Variants in PZP observed in about 807,000 individuals in gnomAD.
PZP encodes the protein PZP alpha-2-macroglobulin like.
A neutral mutation model predicts 179.8 loss-of-function variants in PZP; 150 were observed. The observed-to-expected ratio is 0.83, with a 90% confidence interval of 0.73 to 0.96. The LOEUF (loss-of-function observed/expected upper bound fraction) is 0.96, where lower values mean the gene tolerates loss of function less well. Among genes scored for constraint, PZP ranks in the 40% least tolerant of loss-of-function variants. The pLI, the probability that PZP is intolerant of heterozygous loss-of-function variation, is 0.00. For missense variants in PZP, 1,689 were observed against 1,764.0 expected, an observed-to-expected ratio of 0.96 and a Z score of 0.76; for synonymous variants, 624 against 652.3, an observed-to-expected ratio of 0.96 and a Z score of 0.66.
chr12:9,166,101 C>A lies in PZP; in HGVS notation c.2209G>T (p.Val737Leu), dbSNP rs1941566601. The change falls in exon 18 of 36, where the codon GTG (valine) becomes TTG (leucine). Residue 737 changes from valine to leucine, a missense_variant. Coordinates refer to ENST00000261336, the MANE Select transcript of PZP (RefSeq NM_002864.3). ...CAAGTCTCAGGAAAATAGCTTCGCA[C>A]CGTTTCAGGGACTGGCCCTGAACTT... ...EQSSGPVPET[V>L]RSYFPETWIW... 6.2e-7 allele frequency: 1 copy of A among 1,612,752 alleles called. No individual in the cohort carries two copies.
intron 35 of PZP, among the ~76,000 whole-genome samples, chr12:9,149,219 C>T (rs1336373300): frequency 6.6e-6 from 1 of 152,232 alleles, no homozygotes; most frequent in East Asian, 1.9e-4. Flanking sequence ...AATAAAGCTT[C>T]ATTTACAAAA....
chr12:9,192,470 C>T lies in PZP; in HGVS notation c.1482+42G>A, dbSNP rs756305586. 8.3e-6 allele frequency: 13 copies of T among 1,561,176 alleles called. 1 individual carries two copies. The highest frequency in any genetic ancestry group is 2.3e-5 in the East Asian group (1 of 44,262). On this transcript the variant is annotated intron_variant, in intron 12 of 35. Transcript: ENST00000261336. ...CCTGAGCCTATTGACCACTTTTGTC[C>T]TACTGATAAGCTGCAATTGTATTCC...
At chr12:9,138,435 T>C in the PZP span, among the ~76,000 whole-genome samples, 1 of 151,840 alleles carries the variant, frequency 6.6e-6, no homozygotes, top group Non-Finnish European at 1.5e-5. Context: ...TTTTTGCATC[T>C]ATATTCATCA....
intron 27 of PZP, 91 bp downstream of exon 27, chr12:9,157,676 G>T: frequency 1.7e-6 from 2 of 1,172,056 alleles, no homozygotes; most frequent in Non-Finnish European, 2.5e-6. Flanking sequence ...TGAACCAAAA[G>T]ATACTTGAGA....
intron 14 of PZP, 27 bp from the exon 15 acceptor site, chr12:9,181,159 C>G (rs1942736903): frequency 6.2e-7 from 1 of 1,613,642 alleles, no homozygotes; most frequent in Admixed American, 1.7e-5. Context: ...AAACGTCAAC[C>G]AGTGTTTTCC....
intron 7 of PZP, among the ~76,000 whole-genome samples, chr12:9,198,029 C>CAT (rs1405811807): frequency 8.8e-6 from 1 of 113,632 alleles, no homozygotes; most frequent in Non-Finnish European, 1.8e-5. Context: ...ACAGTGCAGT[C>CAT]ATATATATAT....
chr12:9,197,218 C>G (rs1943830027), intron 7 of PZP, 95 bp from the exon 8 acceptor site: 1 of 809,548 alleles, frequency 1.2e-6, no homozygotes, highest in Non-Finnish European at 2.0e-6. Context: ...GAGTTGCCTA[C>G]ACATCTTTAT....
intron 15 of PZP, among the ~76,000 whole-genome samples, chr12:9,172,037 T>C (rs897521488): frequency 1.3e-5 from 2 of 151,878 alleles, no homozygotes; most frequent in Admixed American, 1.3e-4. Flanking sequence ...AGACACAAAA[T>C]CATCAGATTC....
downstream of PZP, chr12:9,148,725 A>G: frequency 2.3e-6 from 1 of 435,352 alleles, no homozygotes; most frequent in Non-Finnish European, 4.0e-6. Flanking sequence ...CTGCTTTCCT[A>G]CTAGAATGCT....
In PZP at chr12:9,208,308, C is replaced by T; in HGVS notation, c.34G>A (p.Val12Met). The T allele has an allele frequency of 1.2e-6, 2 of 1,613,700 alleles. No homozygotes were observed. Among genetic ancestry groups the T allele is most frequent in the Non-Finnish European group, 8.5e-7 (1 of 1,179,700 alleles). The stretch of plus-strand genomic sequence containing the variant: ...GCAGAAAGCAGGATAAGAAGTAGCA[C>T]AAGACATAAATGAAGAAGTCTGTCT... ...RKDRLLHLCLVLLLILLSASD... is the reference protein window; with the variant it reads ...RKDRLLHLCLMLLLILLSASD... The change falls in exon 1 of 36, where the codon GTG (valine) becomes ATG (methionine). Residue 12 changes from valine (V) to methionine (M), a missense_variant. Physicochemically the swap from Val to Met is conservative, Grantham distance 21. Transcript: ENST00000261336.
chr12:9,146,470 A>G (rs1464574611), downstream of PZP, among the ~76,000 whole-genome samples: 2 of 152,290 alleles, frequency 1.3e-5, no homozygotes, highest in African/African-American at 4.8e-5. Flanking sequence ...TGAATTCTCC[A>G]TAAAGTAAAT....
intron 31 of PZP, 115 bp downstream of exon 31, chr12:9,152,709 T>A (rs1043127083): frequency 4.6e-6 from 5 of 1,086,872 alleles, no homozygotes; most frequent in South Asian, 3.7e-5. Context: ...TTTATAGATA[T>A]ATCAATTCTA....
chr12:9,163,523 G>T, intron 21 of PZP, 145 bp downstream of exon 21: 1 of 902,388 alleles, frequency 1.1e-6, no homozygotes. Flanking sequence ...AATGTTGTCT[G>T]CTGCAATGCT....
Position 9,149,577 on chromosome 12 carries a change from G to A in PZP, c.4410C>T (p.Ile1470=), listed in dbSNP as rs775801514. The stretch of plus-strand genomic sequence containing the variant: ...AACTCTTACCTGTGCTGCAGGGGGC[G>A]ATATACTCAGCAACCACAGACTCAT... ...ETDESVVAEY[I]APCSTDTEHG... Residue 1470 remains isoleucine (I), a synonymous_variant, in exon 35 of 36, where the codon ATC becomes ATT. Coordinates refer to ENST00000261336, the MANE Select transcript of PZP (RefSeq NM_002864.3). The A allele has an allele frequency of 8.7e-6, 14 of 1,612,822 alleles. No individual in the cohort carries two copies. The highest frequency in any genetic ancestry group is 2.7e-5 in the African/African-American group (2 of 74,854).
intron 22 of PZP, among the ~76,000 whole-genome samples, chr12:9,161,999 T>C (rs1329411920): frequency 2.0e-5 from 3 of 152,186 alleles, no homozygotes; most frequent in African/African-American, 4.8e-5. Flanking sequence ...TCTCACTCTG[T>C]TGCCCAGGTT....
At chr12:9,171,637 A>G (rs1212045517) in intron 15 of PZP, among the ~76,000 whole-genome samples, 1 of 152,212 alleles carries the variant, frequency 6.6e-6, no homozygotes, top group African/African-American at 2.4e-5. Flanking sequence ...CAGTTTAGAG[A>G]GGAACATAAC....
intron 13 of PZP, among the ~76,000 whole-genome samples, chr12:9,190,994 G>T (rs1418046079): frequency 6.6e-6 from 1 of 152,076 alleles, no homozygotes; most frequent in East Asian, 1.9e-4. Flanking sequence ...AAAATATGTG[G>T]TTAAAATTGT....
At chr12:9,144,985 C>T (rs774837554), downstream of PZP, among the ~76,000 whole-genome samples, 7 of 152,190 alleles carry the variant, frequency 4.6e-5, no homozygotes, top group Non-Finnish European at 1.0e-4. Flanking sequence ...ATACTCCTGC[C>T]CTGTCACCTA....
rs754533808 is a variant in PZP at position 9,174,803 on chromosome 12, T to C, written c.1840-5212A>G. ...AGAACTACAAACCACTGCTCAAGGA[T>C]ATCATAGAGGACACAAACAAATGGA... On this transcript the variant is annotated intron_variant, in intron 15 of 35. Coordinates refer to ENST00000261336, the MANE Select transcript of PZP (RefSeq NM_002864.3). Among the ~76,000 whole-genome samples, 9 of 152,110 alleles carry C rather than the reference T, an allele frequency of 5.9e-5. No individual in the cohort carries two copies. In the South Asian group the frequency reaches 8.3e-4, roughly 14 times the overall value.
Sources: allele counts gnomAD v4.1 joint callset (sites outside exome capture counted in the v4.1 genomes callset), GRCh38; gene constraint gnomAD v4.1.1; transcripts MANE v1.5; gene names NCBI Gene and HGNC (gene_info 2026-07-23, HGNC 2026-07-21).